Variants in MDGA2 observed in about 807,000 individuals in gnomAD.
The protein encoded by MDGA2 is MAM domain-containing glycosylphosphatidylinositol anchor protein 2.
In MDGA2, 40 loss-of-function variants were observed where a neutral mutation model predicts 117.8. That is an observed-to-expected ratio of 0.34 (90% CI 0.26 to 0.44). The LOEUF is 0.44. Among genes scored for constraint, MDGA2 ranks in the 20% least tolerant of loss-of-function variants. MDGA2 has a pLI of 1.00. For synonymous variants in MDGA2, 452 were observed against 439.0 expected (o/e 1.03, Z -0.37); for missense variants, 1,123 against 1,250.6 (o/e 0.90, Z 1.54).
At chr14:47,311,206 A>G (rs1014108558) in intron 1 of MDGA2, among the ~76,000 whole-genome samples, 6 of 152,264 alleles carry the variant, frequency 3.9e-5, no homozygotes, top group African/African-American at 1.4e-4. Flanking sequence ...GCCCCAGCAA[A>G]TACTAACCAA....
At chr14:47,020,049 C>G (rs1385414154) in intron 8 of MDGA2, among the ~76,000 whole-genome samples, 1 of 152,070 alleles carries the variant, frequency 6.6e-6, no homozygotes, top group South Asian at 2.1e-4. Context: ...ATATTGTGCA[C>G]AACTTTACAG....
At chr14:47,156,229 G>A (rs988855900) in intron 3 of MDGA2, among the ~76,000 whole-genome samples, 4 of 151,950 alleles carry the variant, frequency 2.6e-5, no homozygotes, top group African/African-American at 9.7e-5. Context: ...TATCAGTTGT[G>A]TGTCCCTATT....
At chr14:47,069,134 G>GA (rs1890187394) in intron 6 of MDGA2, among the ~76,000 whole-genome samples, 1 of 152,194 alleles carries the variant, frequency 6.6e-6, no homozygotes, top group African/African-American at 2.4e-5. Flanking sequence ...ATAAAATGGT[G>GA]AAATACCAGT....
At chr14:47,646,793 A>T (rs1026404430) in intron 1 of MDGA2, among the ~76,000 whole-genome samples, 1 of 152,240 alleles carries the variant, frequency 6.6e-6, no homozygotes, top group African/African-American at 2.4e-5. Context: ...TTTTGATCAG[A>T]GCCATTTTAT....
At chr14:47,666,187 T>C (rs1375299061) in intron 1 of MDGA2, among the ~76,000 whole-genome samples, 3 of 150,256 alleles carry the variant, frequency 2.0e-5, no homozygotes, top group South Asian at 4.2e-4. Context: ...ATCTAGCTAA[T>C]CTGGTGGGGA....
intron 1 of MDGA2, among the ~76,000 whole-genome samples, chr14:47,307,774 A>T (rs148625231): frequency 2.2e-4 from 34 of 152,266 alleles, no homozygotes; most frequent in African/African-American, 7.7e-4. Flanking sequence ...TGAGTTCACC[A>T]ATAGTTGACA....
intron 1 of MDGA2, among the ~76,000 whole-genome samples, chr14:47,586,119 C>T (rs1896320703): frequency 6.6e-6 from 1 of 151,876 alleles, no homozygotes; most frequent in South Asian, 2.1e-4. Flanking sequence ...ATAATATCTC[C>T]ATTTCCCACT....
intron 1 of MDGA2, among the ~76,000 whole-genome samples, chr14:47,550,193 G>A (rs1390882458): frequency 1.3e-5 from 2 of 152,036 alleles, no homozygotes; most frequent in Non-Finnish European, 1.5e-5. Flanking sequence ...CACACTCCCA[G>A]GTACTCAGGT....
At position 47,381,058 on chromosome 14, in the gene MDGA2, A is replaced by G. The variant is rs186975141; in HGVS notation, c.281-79508T>C. Among the ~76,000 whole-genome samples the G allele has an allele frequency of 3.3e-5, 5 of 152,328 alleles. No individual in the cohort carries two copies. The East Asian group carries it at 9.7e-4, about 29-fold the overall frequency. ...CTAGGATGCAAGGCTGGTTCAACATACACAAATCAGTAAATGTAATCCAGC... is the reference window on the plus strand; with the variant it reads ...CTAGGATGCAAGGCTGGTTCAACATGCACAAATCAGTAAATGTAATCCAGC... On this transcript the variant is annotated intron_variant, in intron 1 of 16. Transcript: ENST00000399232.
intron 11 of MDGA2, among the ~76,000 whole-genome samples, chr14:46,880,417 T>C (rs1029544516): frequency 2.6e-5 from 4 of 152,030 alleles, no homozygotes; most frequent in East Asian, 1.9e-4. Context: ...CTGAAATACA[T>C]TGAAAATTCT....
chr14:47,674,673 C>T lies in MDGA2; in HGVS notation c.124G>A (p.Val42Met). 2.2e-6 allele frequency: 3 copies of T among 1,335,626 alleles called. No individual in the cohort carries two copies. Among genetic ancestry groups the T allele is most frequent in the Admixed American group, 2.0e-5 (1 of 50,658 alleles). 82.7% of individuals were successfully genotyped at this position (1,335,626 alleles called of 1,614,324 possible). Residue 42 changes from valine (V) to methionine (M), a missense_variant, in exon 1 of 17, where the codon GTG becomes ATG. Val to Met is a conservative substitution (Grantham distance 21). Around this residue, in one of 2 missense-constraint regions of MDGA2, gnomAD observed 233 missense variants for 200.3 expected, o/e 1.16. Coordinates refer to ENST00000399232, the MANE Select transcript of MDGA2 (RefSeq NM_001113498.3). ...PGHLGLARAR[V>M]ERAWLAAGLL... ...CCGGCGGCCAGCCAGGCGCGCTCCA[C>T]TCGCGCCCGGGCCAAGCCGAGGTGC...
At chr14:47,297,307 G>C (rs916545773) in intron 2 of MDGA2, among the ~76,000 whole-genome samples, 1 of 151,860 alleles carries the variant, frequency 6.6e-6, no homozygotes, top group Admixed American at 6.6e-5. Context: ...AAACATTTAT[G>C]TTAAATATCC....
chr14:47,053,964 G>A (rs1349290362), intron 7 of MDGA2, among the ~76,000 whole-genome samples: 1 of 151,852 alleles, frequency 6.6e-6, no homozygotes, highest in Non-Finnish European at 1.5e-5. Context: ...AGGTCATAAA[G>A]CTACTAGGAG....
chr14:47,673,122 G>A (rs1898105473), intron 1 of MDGA2, among the ~76,000 whole-genome samples: 1 of 152,168 alleles, frequency 6.6e-6, no homozygotes, highest in African/African-American at 2.4e-5. Context: ...AGCAGATGGA[G>A]TGCAGTGGGT....
At chr14:47,524,106 T>G (rs957838947) in intron 1 of MDGA2, among the ~76,000 whole-genome samples, 2 of 152,162 alleles carry the variant, frequency 1.3e-5, no homozygotes, top group Admixed American at 1.3e-4. Context: ...GTTTTTAAAA[T>G]AGACTTTAGT....
intron 15 of MDGA2, among the ~76,000 whole-genome samples, chr14:46,853,142 TAC>T (rs1195912622): frequency 2.0e-5 from 3 of 151,834 alleles, no homozygotes; most frequent in Non-Finnish European, 4.4e-5. Context: ...AAATTGAACT[TAC>T]AGAGATGAAA....
intron 8 of MDGA2, among the ~76,000 whole-genome samples, chr14:46,971,600 C>T (rs893386322): frequency 2.0e-5 from 3 of 151,580 alleles, no homozygotes; most frequent in African/African-American, 7.3e-5. Context: ...TTAGTGGGTA[C>T]AAATATACAG....
intron 8 of MDGA2, among the ~76,000 whole-genome samples, chr14:47,017,094 T>C (rs1888110442): frequency 1.3e-5 from 2 of 151,994 alleles, no homozygotes; most frequent in South Asian, 2.1e-4. Context: ...TTTCCATTTG[T>C]GTTTATCTAG....
chr14:47,614,326 G>C (rs1566542367), intron 1 of MDGA2, among the ~76,000 whole-genome samples: 1 of 152,022 alleles, frequency 6.6e-6, no homozygotes, highest in South Asian at 2.1e-4. Flanking sequence ...CTGACTTCAA[G>C]TGATCCACCC....
Sources: gnomAD v4.1 joint callset for allele counts (sites outside exome capture counted in the v4.1 genomes callset) on GRCh38, gnomAD v4.1.1 for gene constraint, gnomAD v4.1.1 regional missense constraint, MANE v1.5 for transcripts, NCBI Gene and HGNC (gene_info 2026-07-23, HGNC 2026-07-21) for gene names.